Variants in APBB2 observed in about 807,000 individuals in gnomAD.
APBB2 encodes Fe65-like 1.
Under a neutral mutation model 82.5 loss-of-function variants are expected in APBB2, and 38 were observed. The ratio of observed to expected loss-of-function variants is 0.46; its 90% CI spans 0.36 to 0.60. APBB2 has a LOEUF of 0.60. Ranked by LOEUF, APBB2 falls within the 20% of genes least tolerant of loss-of-function variation. The pLI is 0.00. For missense variants in APBB2, 772 were observed against 972.3 expected (o/e 0.79, Z 2.74); for synonymous variants, 341 against 368.2 (o/e 0.93, Z 0.85).
chr4:41,049,748 G>A (rs1001018899), intron 4 of APBB2, among the ~76,000 whole-genome samples: 2 of 152,260 alleles, frequency 1.3e-5, no homozygotes, highest in Non-Finnish European at 2.9e-5. Flanking sequence ...TCTGTGTAGA[G>A]AGAAGTAGAC....
intron 3 of APBB2, among the ~76,000 whole-genome samples, chr4:41,083,346 T>C (rs567008279): frequency 3.3e-5 from 5 of 152,232 alleles, no homozygotes; most frequent in Non-Finnish European, 7.4e-5. Flanking sequence ...TTAAAGTATA[T>C]AGCTTTAGGG....
chr4:41,087,971 C>T (rs1261096625), intron 3 of APBB2, among the ~76,000 whole-genome samples: 5 of 152,136 alleles, frequency 3.3e-5, no homozygotes, highest in African/African-American at 1.2e-4. Flanking sequence ...CAAACCAAGT[C>T]GGTGTTAAGA....
At position 40,826,093 on chromosome 4, in the gene APBB2, G is replaced by A; in HGVS notation, c.1733-123C>T. ...CTGTGCCATAACGCCCTATGTTTCT[G>A]GATGTAAATGTAACAACTATTCTAC... is the stretch of plus-strand genomic sequence containing the variant. On this transcript the variant is annotated intron_variant, in intron 14 of 17. Coordinates refer to ENST00000508593, the MANE Select transcript of APBB2 (RefSeq NM_004307.2). The surrounding 1 kb of genome is among the most constrained non-coding windows in gnomAD (Gnocchi z 4.5). 1 of 731,484 alleles carries A rather than the reference G, an allele frequency of 1.4e-6. No individual in the cohort carries two copies. The highest frequency in any genetic ancestry group is 2.5e-6 in the Non-Finnish European group (1 of 402,606). The allele number at this position is 731,484 out of a possible 1,614,324, so 45.3% of individuals were successfully genotyped here. A position where few individuals can be genotyped will look rare whatever the true frequency, so the allele number is the denominator to read the frequency against.
At chr4:41,007,748 T>A (rs181445940) in intron 6 of APBB2, among the ~76,000 whole-genome samples, 1 of 152,350 alleles carries the variant, frequency 6.6e-6, no homozygotes, top group East Asian at 1.9e-4. Flanking sequence ...CGTGAATCTA[T>A]CCATCCAACC....
chr4:41,157,126 G>A (rs1353835404), intron 1 of APBB2, among the ~76,000 whole-genome samples: 4 of 151,798 alleles, frequency 2.6e-5, no homozygotes, highest in Non-Finnish European at 4.4e-5. Flanking sequence ...AAGGGATTAG[G>A]GATAAAGTGT....
At chr4:40,960,447 G>GTTTTTTT (rs34445427) in intron 6 of APBB2, among the ~76,000 whole-genome samples, 1 of 138,978 alleles carries the variant, frequency 7.2e-6, no homozygotes, top group Non-Finnish European at 1.5e-5. Context: ...TTTTTTTCGG[G>GTTTTTTT]TTTTTTTTTT....
intron 2 of APBB2, among the ~76,000 whole-genome samples, chr4:41,107,860 T>A (rs902061856): frequency 6.6e-6 from 1 of 152,164 alleles, no homozygotes; most frequent in Admixed American, 6.5e-5. Flanking sequence ...GGTGACTGTT[T>A]TAGATTAAAG....
intron 3 of APBB2, among the ~76,000 whole-genome samples, chr4:41,080,487 C>A (rs138667795): frequency 3.9e-5 from 6 of 152,246 alleles, no homozygotes; most frequent in African/African-American, 9.6e-5. Flanking sequence ...AAAGAAGTAA[C>A]CTTTTGTTAG....
At chr4:41,066,895 A>G (rs1163212891) in intron 3 of APBB2, among the ~76,000 whole-genome samples, 1 of 152,206 alleles carries the variant, frequency 6.6e-6, no homozygotes, top group Non-Finnish European at 1.5e-5. Context: ...GGCAGGGTAG[A>G]GGCAGGAGAC....
chr4:40,989,002 C>T (rs924018263), intron 6 of APBB2, among the ~76,000 whole-genome samples: 2 of 152,100 alleles, frequency 1.3e-5, no homozygotes, highest in African/African-American at 4.8e-5. Context: ...TCACGTGATC[C>T]ACCCGCCTTG....
chr4:40,981,859 G>GAGGCCA (rs1798560055), intron 6 of APBB2, among the ~76,000 whole-genome samples: 1 of 152,080 alleles, frequency 6.6e-6, no homozygotes, highest in Non-Finnish European at 1.5e-5. Flanking sequence ...AGCACTTTGA[G>GAGGCCA]AGGCCAAGGC....
At chr4:40,930,446 TGTGC>T (rs60591634) in intron 10 of APBB2, among the ~76,000 whole-genome samples, 13,938 of 80,886 alleles carry the variant, frequency 0.17, 920 homozygotes, top group South Asian at 0.39. Flanking sequence ...TGTGTGTGTG[TGTGC>T]GCGCGCGCGC....
intron 6 of APBB2, among the ~76,000 whole-genome samples, chr4:40,969,258 T>G (rs1411969678): frequency 5.9e-5 from 9 of 152,208 alleles, no homozygotes. Context: ...CCCACCTCCT[T>G]TAGCTCCTAC....
intron 4 of APBB2, among the ~76,000 whole-genome samples, chr4:41,059,019 G>C (rs1728800741): frequency 1.3e-5 from 2 of 152,192 alleles, no homozygotes; most frequent in Non-Finnish European, 2.9e-5. Flanking sequence ...GACAGGCTTA[G>C]TGTGTAGGGG....
chr4:41,024,670 C>T (rs1022995663), intron 5 of APBB2, among the ~76,000 whole-genome samples: 9 of 152,192 alleles, frequency 5.9e-5, no homozygotes, highest in Non-Finnish European at 1.0e-4. Flanking sequence ...AACAAATTTT[C>T]CTTTCCCCTA....
chr4:40,967,162 G>A (rs1234035973), intron 6 of APBB2, among the ~76,000 whole-genome samples: 1 of 152,174 alleles, frequency 6.6e-6, no homozygotes, highest in African/African-American at 2.4e-5. Context: ...GGATGACCTG[G>A]CTGTGGAGAG....
chr4:41,119,663 A>G (rs1240383304), intron 2 of APBB2, among the ~76,000 whole-genome samples: 1 of 151,964 alleles, frequency 6.6e-6, no homozygotes, highest in African/African-American at 2.4e-5. Flanking sequence ...ACTATATCCG[A>G]TTCCTGCCTA....
rs140124337 is a variant in APBB2 at position 41,164,546 on chromosome 4, T to C, written c.-416-21404A>G. On this transcript the variant is annotated intron_variant, in intron 1 of 17. Transcript: ENST00000508593. ...AAGAGACCACAATAGTTTCCCTTTG[T>C]ACCAGACAGCACAAACCCAATTAAG... is the stretch of plus-strand genomic sequence containing the variant. Among the ~76,000 whole-genome samples, 54 of 152,356 alleles carry C rather than the reference T, an allele frequency of 3.5e-4. No individual in the cohort carries two copies. The East Asian group carries it at 6.9e-3, about 20-fold the overall frequency.
chr4:41,011,936 A>G (rs1390149066), intron 6 of APBB2, among the ~76,000 whole-genome samples: 1 of 152,074 alleles, frequency 6.6e-6, no homozygotes, highest in Admixed American at 6.6e-5. Context: ...AATCATGGTT[A>G]ACTGCAGCCT....
Sources: gnomAD v4.1 joint callset for allele counts (sites outside exome capture counted in the v4.1 genomes callset) on GRCh38, gnomAD v4.1.1 for gene constraint, Gnocchi (gnomAD v3.1) non-coding constraint, MANE v1.5 for transcripts, NCBI Gene and HGNC (gene_info 2026-07-23, HGNC 2026-07-21) for gene names.